C10orf90: variants seen among roughly 807,000 people sequenced by gnomAD.
C10orf90 encodes the protein (E2-independent) E3 ubiquitin-conjugating enzyme FATS.
A neutral mutation model predicts 62.5 loss-of-function variants in C10orf90; 56 were observed. The ratio of observed to expected loss-of-function variants is 0.90; its 90% confidence interval spans 0.72 to 1.12. The LOEUF (loss-of-function observed/expected upper bound fraction) is 1.12, where lower values mean the gene tolerates loss of function less well. Ranked by LOEUF, C10orf90 falls within the 50% of genes most tolerant of loss-of-function variation. The probability of loss-of-function intolerance (pLI) is 0.00; values close to 1 mark genes in which losing one functional copy is unlikely to be tolerated. For missense variants in C10orf90, 970 were observed against 880.4 expected, an observed-to-expected ratio of 1.10 and a Z score of -1.29; for synonymous variants, 386 against 340.4, an observed-to-expected ratio of 1.13 and a Z score of -1.47.
intron 7 of C10orf90, among the ~76,000 whole-genome samples, chr10:126,434,629 C>T (rs773281922): frequency 2.0e-5 from 3 of 152,224 alleles, no homozygotes; most frequent in Admixed American, 6.5e-5. Flanking sequence ...GGAGTATAGA[C>T]GTCAAGTCTC....
chr10:126,588,676 A>C (rs1049658590), intron 2 of C10orf90, among the ~76,000 whole-genome samples: 4 of 152,232 alleles, frequency 2.6e-5, no homozygotes, highest in African/African-American at 9.6e-5. Context: ...TTAACAAAAA[A>C]GACTCCACAA....
At chr10:126,508,698 A>G (rs1862915778) in intron 3 of C10orf90, among the ~76,000 whole-genome samples, 2 of 152,132 alleles carry the variant, frequency 1.3e-5, no homozygotes, top group Admixed American at 1.3e-4. Context: ...GGACTCCCAT[A>G]CTGGCTACAG....
intron 2 of C10orf90, among the ~76,000 whole-genome samples, chr10:126,577,410 CA>C (rs200713782): frequency 0.011 from 1,659 of 144,438 alleles, 32 homozygotes; most frequent in Non-Finnish European, 0.012. Flanking sequence ...GAATAGAAAA[CA>C]AAAAAAAAAT....
intron 2 of C10orf90, among the ~76,000 whole-genome samples, chr10:126,580,064 C>G (rs1844714029): frequency 6.6e-6 from 1 of 152,168 alleles, no homozygotes; most frequent in Non-Finnish European, 1.5e-5. Flanking sequence ...GGCCATAGTG[C>G]ATTTCCTAAG....
At chr10:126,611,561 C>G (rs1398724659) in intron 2 of C10orf90, among the ~76,000 whole-genome samples, 1 of 152,200 alleles carries the variant, frequency 6.6e-6, no homozygotes, top group East Asian at 1.9e-4. Flanking sequence ...GAGGAGCTGC[C>G]AGATTATTTT....
intron 2 of C10orf90, among the ~76,000 whole-genome samples, chr10:126,568,805 A>T (rs1844445633): frequency 1.3e-5 from 2 of 152,166 alleles, no homozygotes; most frequent in Non-Finnish European, 2.9e-5. Flanking sequence ...GTGTAACTGG[A>T]GAGGAGTTCA....
chr10:126,600,865 C>A (rs1012695905), intron 2 of C10orf90, among the ~76,000 whole-genome samples: 1 of 152,130 alleles, frequency 6.6e-6, no homozygotes, highest in East Asian at 1.9e-4. Context: ...ATGAAATAAC[C>A]GCCTTGTAAA....
rs907527138 is a variant in C10orf90, at chr10:126,453,984, T to C, written c.2188+5056A>G. Among the ~76,000 whole-genome samples the C allele has an allele frequency of 6.6e-5, 10 of 151,916 alleles. No homozygotes were observed. Among genetic ancestry groups the C allele is most frequent in the Admixed American group, 6.6e-4 (10 of 15,258 alleles). The stretch of plus-strand genomic sequence containing the variant: ...GGCGTCTGGATTTTGGGGTGAGGGA[T>C]GGAATCCAGGGAGGCTCTGAAGCTG... On this transcript the variant is annotated intron_variant, in intron 7 of 9. Transcript: ENST00000488181. This position sits in a 1 kb window ranked among gnomAD's most constrained non-coding sequence, Gnocchi z 4.9.
At chr10:126,581,448 C>T (rs764806985) in intron 2 of C10orf90, among the ~76,000 whole-genome samples, 1 of 152,162 alleles carries the variant, frequency 6.6e-6, no homozygotes, top group Non-Finnish European at 1.5e-5. Flanking sequence ...TGTCATCATG[C>T]CTTCTTCAGG....
At chr10:126,559,737 T>A (rs1348765433) in intron 2 of C10orf90, among the ~76,000 whole-genome samples, 1 of 152,222 alleles carries the variant, frequency 6.6e-6, no homozygotes, top group Admixed American at 6.5e-5. Context: ...AAACCTCACC[T>A]TGTTCTTATG....
rs1469527071 is a variant in C10orf90, at chr10:126,565,392, ATAT to A, written c.314-51456_314-51454del. On this transcript the variant is annotated intron_variant, in intron 2 of 9. Coordinates refer to ENST00000488181, the MANE Select transcript of C10orf90 (RefSeq NM_001350921.2). ...TTTTATATAATAATATATATTATAT[ATAT>A]TATATTATATATAATATATATTATA... Among the ~76,000 whole-genome samples the A allele has an allele frequency of 3.5e-3, 266 of 76,644 alleles. 2 individuals carry two copies. The highest frequency in any genetic ancestry group is 0.015 in the African/African-American group (263 of 17,816). The allele number at this position is 76,644 out of a possible 152,430, so 50.3% of individuals were successfully genotyped here.
intron 2 of C10orf90, among the ~76,000 whole-genome samples, chr10:126,543,350 C>T (rs112192466): frequency 0.016 from 2,504 of 152,182 alleles, 67 homozygotes; most frequent in African/African-American, 0.056. Flanking sequence ...AAAAGGTTAT[C>T]GAGAGGAGCA....
At chr10:126,556,968 G>A (rs913065707) in intron 2 of C10orf90, among the ~76,000 whole-genome samples, 1 of 149,920 alleles carries the variant, frequency 6.7e-6, no homozygotes, top group Non-Finnish European at 1.5e-5. Context: ...GTTTCTATTA[G>A]GTTGGTGCAA....
intron 2 of C10orf90, among the ~76,000 whole-genome samples, chr10:126,518,504 A>G (rs1398567886): frequency 6.6e-6 from 1 of 152,158 alleles, no homozygotes; most frequent in African/African-American, 2.4e-5. Context: ...GGGAATCTCA[A>G]TGAGGCTTTT....
intron 2 of C10orf90, among the ~76,000 whole-genome samples, chr10:126,546,375 G>C (rs1396001029): frequency 2.0e-5 from 3 of 152,204 alleles, no homozygotes; most frequent in Admixed American, 6.5e-5. Flanking sequence ...CTGCCCCCAG[G>C]TTCAGTGCAG....
chr10:126,594,483 C>T (rs1447204326), intron 2 of C10orf90, among the ~76,000 whole-genome samples: 1 of 152,180 alleles, frequency 6.6e-6, no homozygotes, highest in Non-Finnish European at 1.5e-5. Context: ...TCTGAATATT[C>T]ACCTACACCA....
At chr10:126,426,402 ATAAT>A (rs1252208314) in intron 8 of C10orf90, among the ~76,000 whole-genome samples, 1 of 152,248 alleles carries the variant, frequency 6.6e-6, no homozygotes, top group Non-Finnish European at 1.5e-5. Context: ...ATTCTCTATG[ATAAT>A]TAATGACTTA....
At chr10:126,644,835 C>CCG (rs1395681548) in intron 2 of C10orf90, among the ~76,000 whole-genome samples, 2 of 152,230 alleles carry the variant, frequency 1.3e-5, no homozygotes, top group Non-Finnish European at 2.9e-5. Flanking sequence ...TGTCCCCAAA[C>CCG]TCCCTGTGGG....
chr10:126,654,892 C>T (rs996181269), intron 1 of C10orf90, among the ~76,000 whole-genome samples: 4 of 152,262 alleles, frequency 2.6e-5, no homozygotes, highest in Non-Finnish European at 5.9e-5. Context: ...AATTTTCATA[C>T]TTTTGTAGCT....
Sources: allele counts gnomAD v4.1 joint callset (sites outside exome capture counted in the v4.1 genomes callset), GRCh38; gene constraint gnomAD v4.1.1; non-coding constraint Gnocchi (gnomAD v3.1); transcripts MANE v1.5; gene names NCBI Gene and HGNC (gene_info 2026-07-23, HGNC 2026-07-21).